The following FSTL4 variants were observed in gnomAD, a reference collection of about 807,000 sequenced individuals.
FSTL4 encodes follistatin-related protein 4.
In FSTL4, 28 loss-of-function variants were observed where a neutral mutation model predicts 78.2. That is an observed-to-expected ratio of 0.36 (90% CI 0.27 to 0.49). The LOEUF (loss-of-function observed/expected upper bound fraction) is 0.49, where lower values mean the gene tolerates loss of function less well. Ranked by LOEUF, FSTL4 falls within the 20% of genes least tolerant of loss-of-function variation. The pLI is 0.98. For synonymous variants in FSTL4, 422 were observed against 440.5 expected (o/e 0.96, Z 0.53); for missense variants, 922 against 1,084.9 (o/e 0.85, Z 2.11).
At chr5:133,524,530 G>C (rs1759050047) in intron 3 of FSTL4, among the ~76,000 whole-genome samples, 1 of 152,174 alleles carries the variant, frequency 6.6e-6, no homozygotes, top group South Asian at 2.1e-4. Flanking sequence ...GTAACTTGCA[G>C]AACAGAGGGC....
the FSTL4 span, among the ~76,000 whole-genome samples, chr5:133,758,431 AC>A: frequency 2.0e-5 from 3 of 152,234 alleles, no homozygotes; most frequent in African/African-American, 7.2e-5. Flanking sequence ...AACAAATAAA[AC>A]AACCAAGTTT....
chr5:133,276,764 G>C (rs898742710), intron 6 of FSTL4, among the ~76,000 whole-genome samples: 1 of 152,200 alleles, frequency 6.6e-6, no homozygotes, highest in Non-Finnish European at 1.5e-5. Flanking sequence ...GCTTGCACAA[G>C]AACATTCATA....
At chr5:133,433,904 G>A (rs1237271299) in intron 3 of FSTL4, among the ~76,000 whole-genome samples, 1 of 152,060 alleles carries the variant, frequency 6.6e-6, no homozygotes. Context: ...AGGAGATGAG[G>A]TCAGATAGGG....
chr5:133,527,696 T>C (rs969440437), intron 3 of FSTL4, among the ~76,000 whole-genome samples: 1 of 152,212 alleles, frequency 6.6e-6, no homozygotes, highest in African/African-American at 2.4e-5. Context: ...CTTCTCTCCA[T>C]TGCACTTTTC....
intron 4 of FSTL4, among the ~76,000 whole-genome samples, chr5:133,375,014 G>A (rs145633885): frequency 7.4e-4 from 113 of 152,060 alleles, no homozygotes; most frequent in African/African-American, 2.7e-3. Flanking sequence ...CTTTAGAGTT[G>A]GATGGAACCT....
chr5:133,342,213 C>G (rs1295478826), intron 4 of FSTL4, among the ~76,000 whole-genome samples: 3 of 152,100 alleles, frequency 2.0e-5, no homozygotes, highest in Non-Finnish European at 4.4e-5. Flanking sequence ...AGGAGGGAAA[C>G]AGGCGCTGGA....
At chr5:133,575,124 T>C (rs1038721605) in intron 2 of FSTL4, 1 of 152,224 alleles carries the variant, frequency 6.6e-6, no homozygotes, top group Admixed American at 6.5e-5. Context: ...GTTTGTTAAA[T>C]AGAGGGAACA....
At chr5:133,757,871 G>A in the FSTL4 span, among the ~76,000 whole-genome samples, 1 of 152,156 alleles carries the variant, frequency 6.6e-6, no homozygotes, top group African/African-American at 2.4e-5. Context: ...CCACCTACAA[G>A]GATTTTAAAT....
chr5:133,253,550 C>G (rs1048393386), intron 6 of FSTL4, among the ~76,000 whole-genome samples: 1 of 152,200 alleles, frequency 6.6e-6, no homozygotes, highest in Non-Finnish European at 1.5e-5. Flanking sequence ...CTGTTCTTTG[C>G]CCACTTACCC....
intron 4 of FSTL4, among the ~76,000 whole-genome samples, chr5:133,350,436 T>G (rs1754798955): frequency 6.6e-6 from 1 of 152,228 alleles, no homozygotes; most frequent in African/African-American, 2.4e-5. Context: ...CATGGGCAGA[T>G]CTTCCCTCCA....
chr5:133,231,399 G>T (rs368866415), intron 8 of FSTL4, among the ~76,000 whole-genome samples: 3 of 152,174 alleles, frequency 2.0e-5, no homozygotes, highest in East Asian at 3.9e-4. Flanking sequence ...CTGGGGCCCT[G>T]CCAGGAAAGG....
At chr5:133,656,670 T>C in the FSTL4 span, among the ~76,000 whole-genome samples, 1 of 152,078 alleles carries the variant, frequency 6.6e-6, no homozygotes, top group Non-Finnish European at 1.5e-5. Context: ...AGGCAGTGTG[T>C]TGAGAATGGC....
the FSTL4 span, among the ~76,000 whole-genome samples, chr5:133,665,165 G>A: frequency 6.6e-6 from 1 of 152,132 alleles, no homozygotes; most frequent in African/African-American, 2.4e-5. Context: ...GTATGAGTGG[G>A]ACTTTGAAAA....
At chr5:133,728,767 G>T in the FSTL4 span, among the ~76,000 whole-genome samples, 1 of 151,794 alleles carries the variant, frequency 6.6e-6, no homozygotes, top group Non-Finnish European at 1.5e-5. Context: ...GAGAGTATCA[G>T]ATAGTGTTCT....
the FSTL4 span, among the ~76,000 whole-genome samples, chr5:133,649,750 A>G: frequency 6.6e-6 from 1 of 152,024 alleles, no homozygotes; most frequent in Non-Finnish European, 1.5e-5. Context: ...TGTATTTTGA[A>G]TAAGGGTCCT....
chr5:133,376,496 C>A (rs545776611), intron 4 of FSTL4, among the ~76,000 whole-genome samples: 1 of 152,174 alleles, frequency 6.6e-6, no homozygotes, highest in Admixed American at 6.5e-5. Flanking sequence ...TGTAGACATG[C>A]TCTTCAGAGA....
intron 4 of FSTL4, among the ~76,000 whole-genome samples, chr5:133,330,877 A>T (rs188711036): frequency 6.6e-6 from 1 of 152,322 alleles, no homozygotes; most frequent in East Asian, 1.9e-4. Context: ...AACAGCGGGA[A>T]CAGTGTGGGA....
the FSTL4 span, among the ~76,000 whole-genome samples, chr5:133,696,292 T>C: frequency 6.6e-6 from 1 of 152,234 alleles, no homozygotes; most frequent in African/African-American, 2.4e-5. Context: ...TCAGCTGTCC[T>C]GGCTTTGTCT....
At chr5:133,836,563 C>G in the FSTL4 span, among the ~76,000 whole-genome samples, 1 of 152,004 alleles carries the variant, frequency 6.6e-6, no homozygotes, top group African/African-American at 2.4e-5. Flanking sequence ...TGTATTTATA[C>G]TTTTTGTTGC....
Sources: gnomAD v4.1 joint callset for allele counts (sites outside exome capture counted in the v4.1 genomes callset) on GRCh38, gnomAD v4.1.1 for gene constraint, MANE v1.5 for transcripts, NCBI Gene and HGNC (gene_info 2026-07-23, HGNC 2026-07-21) for gene names.